Variants in ZNF12 observed in about 807,000 individuals in gnomAD.
The protein encoded by ZNF12 is zinc finger protein 12.
Under a neutral mutation model 66.6 loss-of-function variants are expected in ZNF12, and 34 were observed. That is an observed-to-expected ratio of 0.51 (90% CI 0.39 to 0.68). The LOEUF (loss-of-function observed/expected upper bound fraction) is 0.68, where lower values mean the gene tolerates loss of function less well. Among genes scored for constraint, ZNF12 ranks in the 30% least tolerant of loss-of-function variants. The pLI is 0.00. For synonymous variants in ZNF12, 320 were observed against 278.9 expected (o/e 1.15, Z -1.47); for missense variants, 697 against 826.9 (o/e 0.84, Z 1.93).
intron 2 of ZNF12, among the ~76,000 whole-genome samples, chr7:6,700,083 A>G (rs1780210076): frequency 6.6e-6 from 1 of 151,852 alleles, no homozygotes; most frequent in South Asian, 2.1e-4. Context: ...CAGGAAATCG[A>G]GACCATCCTG....
chr7:6,703,102 A>T (rs1162956187), intron 2 of ZNF12, among the ~76,000 whole-genome samples: 4 of 151,956 alleles, frequency 2.6e-5, no homozygotes, highest in African/African-American at 9.7e-5. Context: ...CTCACTGCAT[A>T]CCAACACAGC....
intron 4 of ZNF12, among the ~76,000 whole-genome samples, chr7:6,693,129 G>A (rs1175980949): frequency 1.3e-5 from 2 of 152,194 alleles, no homozygotes; most frequent in Non-Finnish European, 2.9e-5. Flanking sequence ...GATTCATTTA[G>A]GGGGAGGTAA....
At chr7:6,694,550 G>C (rs1780125455) in intron 4 of ZNF12, among the ~76,000 whole-genome samples, 1 of 152,188 alleles carries the variant, frequency 6.6e-6, no homozygotes, top group African/African-American at 2.4e-5. Context: ...TCTGGAGGAA[G>C]TGGGTCTGCA....
At chr7:6,703,240 T>C (rs918550182) in intron 2 of ZNF12, among the ~76,000 whole-genome samples, 2 of 152,186 alleles carry the variant, frequency 1.3e-5, no homozygotes, top group African/African-American at 2.4e-5. Context: ...CGCAAGTGCT[T>C]TTCCCATGGG....
chr7:6,700,119 A>G (rs1327729455), intron 2 of ZNF12, among the ~76,000 whole-genome samples: 1 of 151,766 alleles, frequency 6.6e-6, no homozygotes, highest in Non-Finnish European at 1.5e-5. Context: ...CCCCGTCTCT[A>G]CTAAAAATAC....
chr7:6,702,072 T>C (rs1780253129), intron 2 of ZNF12, among the ~76,000 whole-genome samples: 1 of 152,016 alleles, frequency 6.6e-6, no homozygotes, highest in Non-Finnish European at 1.5e-5. Flanking sequence ...GAGAGTCACA[T>C]GACCTCCCCT....
chr7:6,706,319 C>A, intron 1 of ZNF12, 113 bp downstream of exon 1: 1 of 443,038 alleles, frequency 2.3e-6, no homozygotes, highest in Non-Finnish European at 4.6e-6. Flanking sequence ...CCCAAACACA[C>A]GTCACTCCTG....
chr7:6,699,544 C>T (rs1780202405), intron 2 of ZNF12, among the ~76,000 whole-genome samples: 1 of 152,216 alleles, frequency 6.6e-6, no homozygotes, highest in Non-Finnish European at 1.5e-5. Flanking sequence ...TCCTGGGGAG[C>T]AATAGCTGAG....
In ZNF12 at chr7:6,691,036, T is replaced by A; in HGVS notation, c.1906A>T (p.Asn636Tyr). ...CGAGAGAAGGCTTTTCCACACTCATTACATTCAAAGGGTTTCTCTCCTGAA... is the reference window on the plus strand; with the variant it reads ...CGAGAGAAGGCTTTTCCACACTCATAACATTCAAAGGGTTTCTCTCCTGAA... ...IHSGEKPFEC[N>Y]ECGKAFSRMS... Residue 636 changes from asparagine (N) to tyrosine (Y), a missense_variant, in exon 5 of 5, where the codon AAT (asparagine) becomes TAT (tyrosine). Transcript: ENST00000405858. 1 of 1,614,060 alleles carries A rather than the reference T, an allele frequency of 6.2e-7. No individual in the cohort carries two copies. Among genetic ancestry groups the A allele is most frequent in the African/African-American group, 1.3e-5 (1 of 75,008 alleles).
Position 6,697,882 on chromosome 7 carries a change from A to C in ZNF12, c.16-71T>G. On this transcript the variant is annotated intron_variant, in intron 2 of 4. Transcript: ENST00000405858. This position sits in a 1 kb window ranked among gnomAD's most constrained non-coding sequence, Gnocchi z 6.1. Reference sequence around the variant, plus strand: ...ATAGGTACAAGATCTTAGCATGCTCACTGGCAAAATTAACCATGAACACTG... The same window carrying C: ...ATAGGTACAAGATCTTAGCATGCTCCCTGGCAAAATTAACCATGAACACTG... 8.3e-6 allele frequency: 13 copies of C among 1,566,712 alleles called. No homozygotes were observed. The highest frequency in any genetic ancestry group is 1.3e-5 in the African/African-American group (1 of 74,152).
In ZNF12 at chr7:6,705,340, C is replaced by T; in HGVS notation, c.-50-117G>A. 1 of 688,722 alleles carries T rather than the reference C, an allele frequency of 1.5e-6. No individual in the cohort carries two copies. Among genetic ancestry groups the T allele is most frequent in the South Asian group, 1.8e-5 (1 of 55,152 alleles). The allele number at this position is 688,722 out of a possible 1,614,324, so 42.7% of individuals were successfully genotyped here. On this transcript the variant is annotated intron_variant, in intron 1 of 4. Coordinates refer to ENST00000405858, the MANE Select transcript of ZNF12 (RefSeq NM_016265.4). This position sits in a 1 kb window ranked among gnomAD's most constrained non-coding sequence, Gnocchi z 4.0. ...AGAAGTACATCTTGTGGGAGACTGT[C>T]CCTTTAAGCCTTCAGAAGGGATTGG...
At position 6,698,472 on chromosome 7, in the gene ZNF12, T is replaced by A. The variant is rs943579150; in HGVS notation, c.16-661A>T. Among the ~76,000 whole-genome samples, 7 of 152,184 alleles carry A rather than the reference T, an allele frequency of 4.6e-5. No homozygotes were observed. Among genetic ancestry groups the A allele is most frequent in the African/African-American group, 7.2e-5 (3 of 41,450 alleles). ...AAACTCAACATCCCTGAAATTCAAT[T>A]GCTGTTCCTGTTCAAACCTGCTCCT... On this transcript the variant is annotated intron_variant, in intron 2 of 4. Coordinates refer to ENST00000405858, the MANE Select transcript of ZNF12 (RefSeq NM_016265.4). This position sits in a 1 kb window ranked among gnomAD's most constrained non-coding sequence, Gnocchi z 4.4.
Position 6,697,549 on chromosome 7 carries a change from G to C in ZNF12, c.143-115C>G. 6.6e-7 allele frequency: 1 copy of C among 1,522,640 alleles called. No individual in the cohort carries two copies. Among genetic ancestry groups the C allele is most frequent in the Non-Finnish European group, 9.0e-7 (1 of 1,112,810 alleles). The allele number at this position is 1,522,640 out of a possible 1,614,324, so 94.3% of individuals were successfully genotyped here. A position where few individuals can be genotyped will look rare whatever the true frequency, so the allele number is the denominator to read the frequency against. ...CAAAATCAGAACTTTTCACGGGGGA[G>C]ATCAAGACCAAAATGCCCTGCCTGG... is the stretch of plus-strand genomic sequence containing the variant. On this transcript the variant is annotated intron_variant, in intron 3 of 4. Coordinates refer to ENST00000405858, the MANE Select transcript of ZNF12 (RefSeq NM_016265.4). This position sits in a 1 kb window ranked among gnomAD's most constrained non-coding sequence, Gnocchi z 6.1.
intron 2 of ZNF12, among the ~76,000 whole-genome samples, chr7:6,703,483 T>C (rs972615056): frequency 6.6e-6 from 1 of 152,168 alleles, no homozygotes; most frequent in Admixed American, 6.5e-5. Context: ...AATGGACAAC[T>C]TTAGAAAGAA....
intron 2 of ZNF12, among the ~76,000 whole-genome samples, chr7:6,699,202 G>A (rs1158609565): frequency 1.3e-5 from 2 of 152,236 alleles, no homozygotes; most frequent in Non-Finnish European, 2.9e-5. Flanking sequence ...TGTAGAAGGT[G>A]TGGAAGGAAA....
rs1465282609 is a variant in ZNF12 at position 6,705,592 on chromosome 7, G to A, written c.-50-369C>T. Among the ~76,000 whole-genome samples the A allele has an allele frequency of 5.9e-5, 9 of 152,092 alleles. No homozygotes were observed. Among genetic ancestry groups the A allele is most frequent in the African/African-American group, 1.9e-4 (8 of 41,410 alleles). The stretch of plus-strand genomic sequence containing the variant: ...AAATTAGCTGGGCGTGGTGGCGGGC[G>A]CCTGTAACCCCAGCTACTCGGGAGG... On this transcript the variant is annotated intron_variant, in intron 1 of 4. Coordinates refer to ENST00000405858, the MANE Select transcript of ZNF12 (RefSeq NM_016265.4). The surrounding 1 kb of genome is among the most constrained non-coding windows in gnomAD (Gnocchi z 4.0).
Position 6,691,287 on chromosome 7 carries a change from T to A in ZNF12, c.1655A>T (p.Tyr552Phe). Residue 552 changes from tyrosine to phenylalanine, a missense_variant, in exon 5 of 5, where the codon TAT becomes TTT. Coordinates refer to ENST00000405858, the MANE Select transcript of ZNF12 (RefSeq NM_016265.4). Reference sequence around the variant, plus strand: ...CTGAGAGAAGAATTTTCCACATATATAGCATTCATAGGGCTTCTCTCCTTT... The same window carrying A: ...CTGAGAGAAGAATTTTCCACATATAAAGCATTCATAGGGCTTCTCTCCTTT... ...IHKGEKPYEC[Y>F]ICGKFFSQMS... 1 of 1,613,978 alleles carries A rather than the reference T, an allele frequency of 6.2e-7. No homozygotes were observed. The highest frequency in any genetic ancestry group is 8.5e-7 in the Non-Finnish European group (1 of 1,179,904).
At chr7:6,700,776 A>C (rs1780229808) in intron 2 of ZNF12, 1 of 152,168 alleles carries the variant, frequency 6.6e-6, no homozygotes, top group Non-Finnish European at 1.5e-5. Context: ...AGGAAGTCCA[A>C]ATTCTAAGGA....
rs769562571 is a variant in ZNF12, at chr7:6,691,730, T to C, written c.1212A>G (p.Thr404=). ...CACTACACTTGTAGAGTTTCACACC[T>C]GTGTGAATTTTCTGATGGTCATTAA... The part of the protein sequence containing the change: ...SALNDHQKIH[T]GVKLYKCSEC... The change falls in exon 5 of 5, where the codon ACA becomes ACG. Residue 404 remains threonine, a synonymous_variant. Transcript: ENST00000405858. 1.3e-5 allele frequency: 21 copies of C among 1,613,836 alleles called. No individual in the cohort carries two copies. The East Asian group carries it at 4.2e-4, about 33-fold the overall frequency.
Sources: allele counts gnomAD v4.1 joint callset (sites outside exome capture counted in the v4.1 genomes callset), GRCh38; gene constraint gnomAD v4.1.1; non-coding constraint Gnocchi (gnomAD v3.1); transcripts MANE v1.5; gene names NCBI Gene and HGNC (gene_info 2026-07-23, HGNC 2026-07-21).